Variants in CAMTA1 observed in about 807,000 individuals in gnomAD.
CAMTA1 encodes the protein calmodulin binding transcription activator 1.
In CAMTA1, 27 loss-of-function variants were observed where a neutral mutation model predicts 170.9. The observed-to-expected ratio is 0.16, with a 90% CI of 0.12 to 0.22. The LOEUF (loss-of-function observed/expected upper bound fraction) is 0.22, where lower values mean the gene tolerates loss of function less well. CAMTA1 is among the 10% of genes least tolerant of loss of function. The probability of loss-of-function intolerance (pLI) is 1.00; values close to 1 mark genes in which losing one functional copy is unlikely to be tolerated. For missense variants in CAMTA1, 1,619 were observed against 2,217.2 expected (o/e 0.73, Z 5.42); for synonymous variants, 833 against 891.5 (o/e 0.93, Z 1.17).
rs1043192333 is a variant in CAMTA1 at position 7,750,446 on chromosome 1, C to T, written c.4690-753C>T. Among the ~76,000 whole-genome samples, 13 of 152,330 alleles carry T rather than the reference C, an allele frequency of 8.5e-5. No individual in the cohort carries two copies. The East Asian group carries it at 2.3e-3, about 27-fold the overall frequency. ...TACTCTGTTTGATTAGAAATTTGGA[C>T]GTAGCATTTTAAGACCATGGAGAGC... On this transcript the variant is annotated intron_variant, in intron 19 of 22. Transcript: ENST00000303635.
At chr1:7,034,398 C>T (rs1703268594) in intron 3 of CAMTA1, among the ~76,000 whole-genome samples, 1 of 152,160 alleles carries the variant, frequency 6.6e-6, no homozygotes, top group Admixed American at 6.5e-5. Flanking sequence ...TTGTGATCCA[C>T]CCGCCTCGGC....
chr1:7,444,975 A>C (rs1046665553), intron 5 of CAMTA1, among the ~76,000 whole-genome samples: 1 of 152,006 alleles, frequency 6.6e-6, no homozygotes, highest in African/African-American at 2.4e-5. Flanking sequence ...GAAATAGACT[A>C]AAAACAGCCC....
chr1:6,871,794 A>G (rs1668476439), intron 3 of CAMTA1: 1 of 1,534,598 alleles, frequency 6.5e-7, no homozygotes, highest in Non-Finnish European at 8.7e-7. Flanking sequence ...TTTCTTTTTA[A>G]TAATGTGTGA....
chr1:7,008,079 G>A (rs1198746390), intron 3 of CAMTA1, among the ~76,000 whole-genome samples: 1 of 152,184 alleles, frequency 6.6e-6, no homozygotes, highest in Non-Finnish European at 1.5e-5. Flanking sequence ...GTGCAGGGAG[G>A]TGGTGGAGGG....
Position 7,761,654 on chromosome 1 carries a change from A to G in CAMTA1, c.4990-4805A>G, listed in dbSNP as rs1305374121. Among the ~76,000 whole-genome samples the G allele has an allele frequency of 2.0e-5, 3 of 152,172 alleles. No individual in the cohort carries two copies. In the South Asian group the frequency reaches 6.2e-4, roughly 32 times the overall value. On this transcript the variant is annotated intron_variant, in intron 22 of 22. Transcript: ENST00000303635. Reference sequence around the variant, plus strand: ...ATTCCAATTTCAAAAATTCTTGTCTATATTTACCAAGTTTGTATACTGAAA... The same window carrying G: ...ATTCCAATTTCAAAAATTCTTGTCTGTATTTACCAAGTTTGTATACTGAAA...
chr1:7,739,843 C>G (rs1253378579), intron 16 of CAMTA1, among the ~76,000 whole-genome samples: 1 of 152,160 alleles, frequency 6.6e-6, no homozygotes, highest in Non-Finnish European at 1.5e-5. Flanking sequence ...ATGTCACCTA[C>G]TGACCACCGC....
At chr1:7,398,189 CTCTCTATATATATA>C (rs1387308946) in intron 5 of CAMTA1, among the ~76,000 whole-genome samples, 25 of 32,302 alleles carry the variant, frequency 7.7e-4, no homozygotes, top group Admixed American at 3.3e-3. Context: ...CTCTCTCTCT[CTCTCTATATATATA>C]TATATATATA....
chr1:7,707,899 T>C (rs1462338466), intron 11 of CAMTA1, among the ~76,000 whole-genome samples: 2 of 152,322 alleles, frequency 1.3e-5, no homozygotes, highest in Non-Finnish European at 2.9e-5. Flanking sequence ...TGCTATTCTC[T>C]TATGTGACTA....
intron 4 of CAMTA1, among the ~76,000 whole-genome samples, chr1:7,125,092 C>T (rs1644856825): frequency 6.6e-6 from 1 of 152,102 alleles, no homozygotes; most frequent in African/African-American, 2.4e-5. Context: ...ATCTGTTGTC[C>T]CTGCTCCCTG....
chr1:7,603,792 A>G (rs986415807), intron 6 of CAMTA1, among the ~76,000 whole-genome samples: 2 of 152,064 alleles, frequency 1.3e-5, no homozygotes, highest in African/African-American at 4.8e-5. Context: ...GGTCTTTACA[A>G]TTTGGCATGT....
chr1:7,064,092 T>TCTCCTCCTTCTCTCCTTCCCTC lies in CAMTA1; in HGVS notation c.235-27200_235-27179dup. On this transcript the variant is annotated intron_variant, in intron 3 of 22. Coordinates refer to ENST00000303635, the MANE Select transcript of CAMTA1 (RefSeq NM_015215.4). This position sits in a 1 kb window ranked among gnomAD's most constrained non-coding sequence, Gnocchi z 5.4. ...TTCTCCTCCTCCTCCTCCTCCTTCT[T>TCTCCTCCTTCTCTCCTTCCCTC]CTCCTCCTTCTCTCCTTCCCTCCTC... 1.3e-5 allele frequency among the ~76,000 whole-genome samples: 2 copies of TCTCCTCCTTCTCTCCTTCCCTC among 150,348 alleles called. No homozygotes were observed. The highest frequency in any genetic ancestry group is 3.0e-5 in the Non-Finnish European group (2 of 67,508).
chr1:6,802,010 C>T (rs1570122679), intron 1 of CAMTA1, among the ~76,000 whole-genome samples: 1 of 152,102 alleles, frequency 6.6e-6, no homozygotes. Flanking sequence ...GTAAGCAGGC[C>T]GTGCTTTAGA....
rs754976238 is a variant in CAMTA1 at position 7,564,891 on chromosome 1, G to A, written c.511-75509G>A. On this transcript the variant is annotated intron_variant, in intron 6 of 22. Transcript: ENST00000303635. ...GACAATGAACAAAAACAGTGGGGTGGAAAAAAATAGTCAAGGAGAAGGAGG... is the reference window on the plus strand; with the variant it reads ...GACAATGAACAAAAACAGTGGGGTGAAAAAAAATAGTCAAGGAGAAGGAGG... Among the ~76,000 whole-genome samples, 66 of 151,666 alleles carry A rather than the reference G, an allele frequency of 4.4e-4. 1 individual carries two copies. The highest frequency in any genetic ancestry group is 7.2e-4 in the Non-Finnish European group (49 of 67,876).
chr1:7,564,019 G>A (rs1298390271), intron 6 of CAMTA1, among the ~76,000 whole-genome samples: 2 of 152,174 alleles, frequency 1.3e-5, no homozygotes, highest in Non-Finnish European at 2.9e-5. Flanking sequence ...ATCTAGAAGG[G>A]TCCTTTTGGT....
intron 1 of CAMTA1, among the ~76,000 whole-genome samples, chr1:6,803,240 A>G (rs1644095745): frequency 1.3e-5 from 2 of 152,236 alleles, no homozygotes; most frequent in Admixed American, 6.5e-5. Context: ...GTCGGTAAAC[A>G]TAAAAGGATG....
At chr1:7,720,719 A>G (rs1427855565) in intron 11 of CAMTA1, among the ~76,000 whole-genome samples, 1 of 152,218 alleles carries the variant, frequency 6.6e-6, no homozygotes, top group East Asian at 1.9e-4. Context: ...CAGTGGCTAT[A>G]GAAAAGTGAC....
intron 6 of CAMTA1, among the ~76,000 whole-genome samples, chr1:7,498,755 G>GA (rs2093891249): frequency 2.1e-5 from 3 of 144,570 alleles, no homozygotes; most frequent in Admixed American, 2.0e-4. Flanking sequence ...AGTGTGCAGA[G>GA]GATTGTGTGA....
chr1:7,297,304 G>A (rs887535521), intron 5 of CAMTA1, among the ~76,000 whole-genome samples: 1 of 152,166 alleles, frequency 6.6e-6, no homozygotes, highest in Non-Finnish European at 1.5e-5. Flanking sequence ...CTCTTGGTCT[G>A]GTCAGGCTTG....
chr1:7,503,233 C>T (rs1396034663), intron 6 of CAMTA1, among the ~76,000 whole-genome samples: 1 of 152,226 alleles, frequency 6.6e-6, no homozygotes, highest in East Asian at 1.9e-4. Context: ...CTTGGAGAGT[C>T]AGGGCTGGGG....
Sources: allele counts gnomAD v4.1 joint callset (sites outside exome capture counted in the v4.1 genomes callset), GRCh38; gene constraint gnomAD v4.1.1; non-coding constraint Gnocchi (gnomAD v3.1); transcripts MANE v1.5; gene names NCBI Gene and HGNC (gene_info 2026-07-23, HGNC 2026-07-21).